Variants in ZBTB20 observed in about 807,000 individuals in gnomAD.
The protein encoded by ZBTB20 is zinc finger and BTB domain containing 20.
ZBTB20 carries 9 observed loss-of-function variants against 56.9 expected under a neutral mutation model. The observed-to-expected ratio is 0.16, with a 90% CI of 0.10 to 0.28. ZBTB20 has a LOEUF of 0.28. Ranked by LOEUF, ZBTB20 falls within the 10% of genes least tolerant of loss-of-function variation. The pLI, the probability that ZBTB20 is intolerant of heterozygous loss-of-function variation, is 1.00. For synonymous variants in ZBTB20, 417 were observed against 420.7 expected (o/e 0.99, Z 0.11); for missense variants, 655 against 1,003.0 (o/e 0.65, Z 4.69).
In ZBTB20 at chr3:114,686,785, C is replaced by G. The variant is rs75404923; in HGVS notation, c.-295+6743G>C. 6.0e-4 allele frequency among the ~76,000 whole-genome samples: 91 copies of G among 152,270 alleles called. 2 individuals carry two copies. The East Asian group carries it at 0.016, about 26-fold the overall frequency. On this transcript the variant is annotated intron_variant, in intron 6 of 11. Transcript: ENST00000675478. ...CTTGTTTTGATCTACATATCTCTAA[C>G]GAGAATGAAGTTCTCCATAAAGGCT...
intron 7 of ZBTB20, among the ~76,000 whole-genome samples, chr3:114,433,728 C>T (rs181916561): frequency 1.3e-5 from 2 of 152,090 alleles, no homozygotes; most frequent in Admixed American, 1.3e-4. Context: ...TATAAACATG[C>T]TCTAGTATAA....
rs575161227 is a variant in ZBTB20, at chr3:114,702,043, A to G, written c.-342-8468T>C. ...GTTTTAAAACATAATGCATAAAAAA[A>G]AATCAGATGATTGGCTAGGCATGGT... On this transcript the variant is annotated intron_variant, in intron 5 of 11. Transcript: ENST00000675478. 1.4e-4 allele frequency among the ~76,000 whole-genome samples: 22 copies of G among 152,356 alleles called. No individual in the cohort carries two copies. The South Asian group carries it at 2.3e-3, about 16-fold the overall frequency.
At chr3:114,343,166 AGAT>A (rs2079921211) in intron 11 of ZBTB20, among the ~76,000 whole-genome samples, 1 of 152,092 alleles carries the variant, frequency 6.6e-6, no homozygotes, top group Admixed American at 6.5e-5. Context: ...AAAGGAAGAA[AGAT>A]CCTGCTTAGG....
chr3:114,843,806 A>T (rs962802680), intron 4 of ZBTB20, among the ~76,000 whole-genome samples: 6 of 151,052 alleles, frequency 4.0e-5, no homozygotes, highest in African/African-American at 1.5e-4. Flanking sequence ...CCTCCTGAGT[A>T]TCTGGGACTA....
At chr3:115,112,574 G>T (rs974960452) in intron 1 of ZBTB20, among the ~76,000 whole-genome samples, 1 of 152,032 alleles carries the variant, frequency 6.6e-6, no homozygotes, top group Admixed American at 6.6e-5. Context: ...TCTGTGCTTG[G>T]CTTATTTCAC....
intron 1 of ZBTB20, among the ~76,000 whole-genome samples, chr3:115,110,586 A>G (rs1366395896): frequency 6.6e-6 from 1 of 152,234 alleles, no homozygotes; most frequent in African/African-American, 2.4e-5. Context: ...AAAATTTGAA[A>G]TGAATTACAT....
intron 3 of ZBTB20, among the ~76,000 whole-genome samples, chr3:114,958,025 C>T (rs370645824): frequency 6.6e-6 from 1 of 152,228 alleles, no homozygotes; most frequent in East Asian, 1.9e-4. Flanking sequence ...ACTCCCCACA[C>T]ATTGTACTAA....
At chr3:114,491,255 C>A (rs917012081) in intron 7 of ZBTB20, among the ~76,000 whole-genome samples, 1 of 152,112 alleles carries the variant, frequency 6.6e-6, no homozygotes, top group South Asian at 2.1e-4. Context: ...CACCTTGGTC[C>A]CCAAACTGCT....
chr3:114,728,083 C>G (rs1343049428), intron 5 of ZBTB20, among the ~76,000 whole-genome samples: 1 of 152,144 alleles, frequency 6.6e-6, no homozygotes, highest in Non-Finnish European at 1.5e-5. Context: ...CTTCATTGTA[C>G]AGATTAGGTC....
chr3:114,903,049 C>T (rs1237022327), intron 3 of ZBTB20, among the ~76,000 whole-genome samples: 1 of 152,070 alleles, frequency 6.6e-6, no homozygotes, highest in Non-Finnish European at 1.5e-5. Flanking sequence ...TGGTGACAAA[C>T]ACTAAGAGAA....
chr3:115,107,681 G>C (rs773988248), intron 1 of ZBTB20, among the ~76,000 whole-genome samples: 15 of 152,124 alleles, frequency 9.9e-5, no homozygotes, highest in Non-Finnish European at 2.2e-4. Flanking sequence ...CTACTATAAA[G>C]ATACATGCAC....
In ZBTB20 at chr3:115,056,273, G is replaced by A. The variant is rs115435673; in HGVS notation, c.-507+14946C>T. On this transcript the variant is annotated intron_variant, in intron 2 of 11. Coordinates refer to ENST00000675478, the MANE Select transcript of ZBTB20 (RefSeq NM_001348800.3). ...GAAATACAAAATGAAAAAGTCATGG[G>A]TATCACTTTTTACCTTGGCTTAGAC... Among the ~76,000 whole-genome samples the A allele has an allele frequency of 8.7e-3, 1,325 of 152,168 alleles. 8 individuals carry two copies. Among genetic ancestry groups the A allele is most frequent in the Non-Finnish European group, 0.014 (941 of 67,964 alleles).
chr3:114,532,662 GT>G (rs1455398056), intron 6 of ZBTB20, among the ~76,000 whole-genome samples: 3 of 152,210 alleles, frequency 2.0e-5, no homozygotes, highest in Non-Finnish European at 4.4e-5. Flanking sequence ...GCCTCCTCAA[GT>G]GGGTCCCTGA....
chr3:114,992,285 A>G (rs1448112968), intron 2 of ZBTB20, among the ~76,000 whole-genome samples: 1 of 152,052 alleles, frequency 6.6e-6, no homozygotes, highest in Non-Finnish European at 1.5e-5. Flanking sequence ...AAATATATTA[A>G]TCATATACAT....
chr3:114,316,945 T>C lies in ZBTB20; in HGVS notation c.*22060A>G. On this transcript the variant is annotated 3_prime_UTR_variant, in exon 12 of 12. Coordinates refer to ENST00000675478, the MANE Select transcript of ZBTB20 (RefSeq NM_001348800.3). ...AAAGCTCAGATGAGGAAGAATGAAGTATTGTGTTTACGTATCAAAATTGCT... is the reference window on the plus strand; with the variant it reads ...AAAGCTCAGATGAGGAAGAATGAAGCATTGTGTTTACGTATCAAAATTGCT... 1 of 196,568 alleles carries C rather than the reference T, an allele frequency of 5.1e-6. No individual in the cohort carries two copies. The highest frequency in any genetic ancestry group is 7.9e-5 in the South Asian group (1 of 12,618). The allele number at this position is 196,568 out of a possible 1,614,324, so 12.2% of individuals were successfully genotyped here. A position where few individuals can be genotyped will look rare whatever the true frequency, so the allele number is the denominator to read the frequency against.
chr3:114,383,325 A>G (rs1406452787), intron 8 of ZBTB20, among the ~76,000 whole-genome samples: 1 of 152,248 alleles, frequency 6.6e-6, no homozygotes, highest in Non-Finnish European at 1.5e-5. Flanking sequence ...GAAAATTAAG[A>G]AAGCTTTCTT....
intron 1 of ZBTB20, among the ~76,000 whole-genome samples, chr3:115,142,755 T>C (rs2084851754): frequency 1.3e-5 from 2 of 152,172 alleles, no homozygotes; most frequent in African/African-American, 4.8e-5. Context: ...TTTCAGATGC[T>C]GGCAAGTCCG....
At position 114,320,460 on chromosome 3, in the gene ZBTB20, G is replaced by C. The variant is rs2078854510; in HGVS notation, c.*18545C>G. 6.6e-6 allele frequency: 1 copy of C among 152,070 alleles called. No individual in the cohort carries two copies. The highest frequency in any genetic ancestry group is 1.5e-5 in the Non-Finnish European group (1 of 68,012). 9.4% of individuals were successfully genotyped at this position (152,070 alleles called of 1,614,324 possible). On this transcript the variant is annotated 3_prime_UTR_variant, in exon 12 of 12. Transcript: ENST00000675478. ...TCAATTATATCAAAGAAAACAAATA[G>C]ACAAACAAGAATTATAGAACATAAG...
chr3:115,087,976 G>A (rs1402514726), intron 1 of ZBTB20, among the ~76,000 whole-genome samples: 1 of 151,850 alleles, frequency 6.6e-6, no homozygotes, highest in East Asian at 1.9e-4. Flanking sequence ...GCCCCAAATG[G>A]TTCATTGTTG....
Sources: allele counts gnomAD v4.1 joint callset (sites outside exome capture counted in the v4.1 genomes callset), GRCh38; gene constraint gnomAD v4.1.1; transcripts MANE v1.5; gene names NCBI Gene and HGNC (gene_info 2026-07-23, HGNC 2026-07-21).